ZBTB2: variants seen among roughly 807,000 people sequenced by gnomAD.
The protein encoded by ZBTB2 is zinc finger and BTB domain-containing protein 2.
A neutral mutation model predicts 39.5 loss-of-function variants in ZBTB2; 2 were observed. That is an observed-to-expected ratio of 0.05 (90% CI 0.02 to 0.16). The LOEUF (loss-of-function observed/expected upper bound fraction) is 0.16, where lower values mean the gene tolerates loss of function less well. ZBTB2 is among the 10% of genes least tolerant of loss of function. The pLI, the probability that ZBTB2 is intolerant of heterozygous loss-of-function variation, is 1.00. For synonymous variants in ZBTB2, 251 were observed against 256.6 expected, an observed-to-expected ratio of 0.98 and a Z score of 0.21; for missense variants, 391 against 653.0, an observed-to-expected ratio of 0.60 and a Z score of 4.37.
chr6:151,385,102 T>A (rs1259686569), intron 1 of ZBTB2, among the ~76,000 whole-genome samples: 1 of 152,140 alleles, frequency 6.6e-6, no homozygotes, highest in East Asian at 1.9e-4. Flanking sequence ...AATAGTGAGC[T>A]GAGAGGAACT....
Position 151,373,863 on chromosome 6 carries a change from A to AC in ZBTB2, c.-12-215_-12-214insG, listed in dbSNP as rs1430790720. On this transcript the variant is annotated intron_variant, in intron 1 of 2. Coordinates refer to ENST00000325144, the MANE Select transcript of ZBTB2 (RefSeq NM_020861.3). Reference sequence around the variant, plus strand: ...GCCTTTAAAAAAAAAAAAAAAAAAAAAAAAAAAAAAAAAACCAGATGATGC... The same window carrying AC: ...GCCTTTAAAAAAAAAAAAAAAAAAAACAAAAAAAAAAAAAACCAGATGATGC... Among the ~76,000 whole-genome samples the AC allele has an allele frequency of 1.3e-4, 19 of 145,030 alleles. 2 individuals are homozygous for AC. The highest frequency in any genetic ancestry group is 3.7e-4 in the African/African-American group (14 of 37,816).
At chr6:151,373,843 TAAAAA>T (rs200070063) in intron 1 of ZBTB2, among the ~76,000 whole-genome samples, 194 bp from the exon 2 acceptor site, 9,763 of 46,816 alleles carry the variant, frequency 0.21, 979 homozygotes, top group African/African-American at 0.33. Flanking sequence ...ATTATGCCTT[TAAAAA>T]AAAAAAAAAA....
In ZBTB2 at chr6:151,366,204, C is replaced by T. The variant is rs1778644405; in HGVS notation, c.862G>A (p.Glu288Lys). ...CAGAGAGTCAGGGGGACGCGACTTT[C>T]TCCCTGTTGGCTAGATGTGAAAGGT... ...GVPFTSSQQG[E>K]SRVPLTLCSN... is the part of the protein sequence containing the mutation. Residue 288 changes from glutamate (E) to lysine (K), a missense_variant, in exon 3 of 3, where the codon GAA becomes AAA. This residue lies in a region of ZBTB2 where 80 missense variants were observed against 125.2 expected (regional missense o/e 0.64). Transcript: ENST00000325144. The surrounding 1 kb of genome is among the most constrained non-coding windows in gnomAD (Gnocchi z 7.1). 6.2e-7 allele frequency: 1 copy of T among 1,614,030 alleles called. No individual in the cohort carries two copies. The highest frequency in any genetic ancestry group is 1.3e-5 in the African/African-American group (1 of 74,916).
At chr6:151,367,904 C>T (rs1267074052) in intron 2 of ZBTB2, among the ~76,000 whole-genome samples, 6 of 152,160 alleles carry the variant, frequency 3.9e-5, no homozygotes, top group Non-Finnish European at 8.8e-5. Flanking sequence ...AAGAACTCTT[C>T]CCAGACCATC....
rs1778665196 is a variant in ZBTB2 at position 151,366,946 on chromosome 6, A to G, written c.174-54T>C. 8 of 1,509,220 alleles carry G rather than the reference A, an allele frequency of 5.3e-6. No individual in the cohort carries two copies. The South Asian group carries it at 1.1e-4, about 20-fold the overall frequency. The allele number at this position is 1,509,220 out of a possible 1,614,324, so 93.5% of individuals were successfully genotyped here. A position where few individuals can be genotyped will look rare whatever the true frequency, so the allele number is the denominator to read the frequency against. ...AGTAAATGCCAGTCTAGGTGTTAAC[A>G]TAAAGCCTGAAGAAAAAAATGAATG... On this transcript the variant is annotated intron_variant, in intron 2 of 2. Coordinates refer to ENST00000325144, the MANE Select transcript of ZBTB2 (RefSeq NM_020861.3). This position sits in a 1 kb window ranked among gnomAD's most constrained non-coding sequence, Gnocchi z 7.1.
At position 151,365,503 on chromosome 6, in the gene ZBTB2, TAA is replaced by T; in HGVS notation, c.*16_*17del. 1 of 1,574,328 alleles carries T rather than the reference TAA, an allele frequency of 6.4e-7. No individual in the cohort carries two copies. Among genetic ancestry groups the T allele is most frequent in the Non-Finnish European group, 8.6e-7 (1 of 1,163,048 alleles). ...AGTCTTTGTAAAAATGAGAGTTTTT[TAA>T]AAAGATAAGTGACATTCAGTCTAGT... On this transcript the variant is annotated 3_prime_UTR_variant, in exon 3 of 3. Coordinates refer to ENST00000325144, the MANE Select transcript of ZBTB2 (RefSeq NM_020861.3). The surrounding 1 kb of genome is among the most constrained non-coding windows in gnomAD (Gnocchi z 5.6).
rs1306449902 is a variant in ZBTB2 at position 151,370,416 on chromosome 6, TA to T, written c.173+3048del. On this transcript the variant is annotated intron_variant, in intron 2 of 2. Transcript: ENST00000325144. Reference sequence around the variant, plus strand: ...TACTACAGCTATAAGCCCTTTCGTATAAACTTCCATAGTAATTTCCGTTTTC... The same window carrying T: ...TACTACAGCTATAAGCCCTTTCGTATAACTTCCATAGTAATTTCCGTTTTC... Among the ~76,000 whole-genome samples, 11 of 152,360 alleles carry T rather than the reference TA, an allele frequency of 7.2e-5. No individual in the cohort carries two copies. The South Asian group carries it at 2.1e-3, about 29-fold the overall frequency.
At chr6:151,368,599 G>A (rs1016353660) in intron 2 of ZBTB2, among the ~76,000 whole-genome samples, 29 of 151,758 alleles carry the variant, frequency 1.9e-4, no homozygotes, top group African/African-American at 5.8e-4. Context: ...GATTACAGGC[G>A]TGTGCCACCA....
chr6:151,374,591 T>C (rs531964840), intron 1 of ZBTB2, among the ~76,000 whole-genome samples: 1 of 152,126 alleles, frequency 6.6e-6, no homozygotes, highest in South Asian at 2.1e-4. Context: ...ACATTATACT[T>C]AATGGTAAGA....
chr6:151,366,986 AAAC>A lies in ZBTB2; in HGVS notation c.174-97_174-95del, dbSNP rs1369316465. On this transcript the variant is annotated intron_variant, in intron 2 of 2. Transcript: ENST00000325144. The surrounding 1 kb of genome is among the most constrained non-coding windows in gnomAD (Gnocchi z 7.1). ...AAAAATGAATGCTTAAAAACAAAGGAAACAACATTTCCTATCCTTGATTTTTAG... is the reference window on the plus strand; with the variant it reads ...AAAAATGAATGCTTAAAAACAAAGGAAACATTTCCTATCCTTGATTTTTAG... The A allele has an allele frequency of 3.7e-5, 48 of 1,302,680 alleles. No homozygotes were observed. Among genetic ancestry groups the A allele is most frequent in the South Asian group, 1.2e-4 (8 of 67,324 alleles). The allele number at this position is 1,302,680 out of a possible 1,614,324, so 80.7% of individuals were successfully genotyped here. A position where few individuals can be genotyped will look rare whatever the true frequency, so the allele number is the denominator to read the frequency against.
At chr6:151,373,861 A>AC (rs1562766536) in intron 1 of ZBTB2, among the ~76,000 whole-genome samples, 6 of 144,006 alleles carry the variant, frequency 4.2e-5, no homozygotes, top group Non-Finnish European at 6.0e-5. Context: ...AAAAAAAAAA[A>AC]AAAAAAAAAA....
chr6:151,368,813 G>T (rs925964885), intron 2 of ZBTB2, among the ~76,000 whole-genome samples: 1 of 151,684 alleles, frequency 6.6e-6, no homozygotes, highest in Non-Finnish European at 1.5e-5. Context: ...GCCCAGGCTG[G>T]AGTGCAGTGG....
chr6:151,386,674 A>G (rs555474163), intron 1 of ZBTB2, among the ~76,000 whole-genome samples: 1 of 152,378 alleles, frequency 6.6e-6, no homozygotes, highest in Admixed American at 6.5e-5. Flanking sequence ...TTCAGGGTAT[A>G]TAACACAGGT....
intron 2 of ZBTB2, among the ~76,000 whole-genome samples, chr6:151,373,024 G>A (rs1464908276): frequency 2.0e-5 from 3 of 151,494 alleles, no homozygotes; most frequent in South Asian, 2.1e-4. Flanking sequence ...GCGTGGCGGC[G>A]GGTGCCTGTA....
intron 2 of ZBTB2, among the ~76,000 whole-genome samples, chr6:151,371,611 TAGA>T (rs1156529789): frequency 6.6e-6 from 1 of 152,030 alleles, no homozygotes; most frequent in African/African-American, 2.4e-5. Flanking sequence ...CAGATGAGAC[TAGA>T]AGGAGGTTGG....
chr6:151,389,365 T>C (rs899615015), intron 1 of ZBTB2, among the ~76,000 whole-genome samples: 6 of 152,326 alleles, frequency 3.9e-5, no homozygotes, highest in African/African-American at 1.4e-4. Context: ...ACCTTACCAA[T>C]TTATAATTTT....
chr6:151,366,722 C>T lies in ZBTB2; in HGVS notation c.344G>A (p.Ser115Asn). The T allele has an allele frequency of 6.2e-7, 1 of 1,614,134 alleles. No individual in the cohort carries two copies. The highest frequency in any genetic ancestry group is 8.5e-7 in the Non-Finnish European group (1 of 1,180,012). The change falls in exon 3 of 3, where the codon AGC becomes AAC. Residue 115 changes from serine (S) to asparagine (N), a missense_variant. Physicochemically the swap from Ser to Asn is conservative, Grantham distance 46. Coordinates refer to ENST00000325144, the MANE Select transcript of ZBTB2 (RefSeq NM_020861.3). This position sits in a 1 kb window ranked among gnomAD's most constrained non-coding sequence, Gnocchi z 7.1. ...GTCAGGGTGAGAAAAGGCTCCCTGG[C>T]TGGCGAGGCTGGCTTCCTGAATGAG... ...YPLIQEASLA[S>N]QGAFSHPDQV...
chr6:151,387,138 T>G (rs929342679), intron 1 of ZBTB2, among the ~76,000 whole-genome samples: 4 of 152,218 alleles, frequency 2.6e-5, no homozygotes, highest in African/African-American at 4.8e-5. Context: ...AGTCCTCTTT[T>G]ATATTATACC....
At chr6:151,381,989 C>T (rs1330393643) in intron 1 of ZBTB2, among the ~76,000 whole-genome samples, 1 of 152,156 alleles carries the variant, frequency 6.6e-6, no homozygotes, top group Non-Finnish European at 1.5e-5. Context: ...CCTAAAGGTA[C>T]TTCCACAAAT....
Sources: allele counts gnomAD v4.1 joint callset (sites outside exome capture counted in the v4.1 genomes callset), GRCh38; gene constraint gnomAD v4.1.1; regional missense constraint gnomAD v4.1.1; non-coding constraint Gnocchi (gnomAD v3.1); transcripts MANE v1.5; gene names NCBI Gene and HGNC (gene_info 2026-07-23, HGNC 2026-07-21).